SLC26A7: variants seen among roughly 807,000 people sequenced by gnomAD.
SLC26A7 encodes solute carrier family 26 member 7, also known as anion exchange transporter.
In SLC26A7, 59 loss-of-function variants were observed where a neutral mutation model predicts 82.5. That is an observed-to-expected ratio of 0.72 (90% CI 0.58 to 0.89). The LOEUF is 0.89. Among genes scored for constraint, SLC26A7 ranks in the 40% least tolerant of loss-of-function variants. The pLI is 0.00. For synonymous variants in SLC26A7, 271 were observed against 274.3 expected, an observed-to-expected ratio of 0.99 and a Z score of 0.12; for missense variants, 820 against 793.0, an observed-to-expected ratio of 1.03 and a Z score of -0.41.
intron 4 of SLC26A7, among the ~76,000 whole-genome samples, chr8:91,312,447 T>C (rs1329210034): frequency 6.6e-6 from 1 of 152,182 alleles, no homozygotes; most frequent in Non-Finnish European, 1.5e-5. Context: ...TTGCTTTCAA[T>C]GTTTATTTGC....
At position 91,362,346 on chromosome 8, in the gene SLC26A7, C is replaced by T. The variant is rs757756346; in HGVS notation, c.1315-7C>T. 1.9e-6 allele frequency: 3 copies of T among 1,595,696 alleles called. No homozygotes were observed. The highest frequency in any genetic ancestry group is 1.7e-5 in the Admixed American group (1 of 57,898). ...TTCACAACTTCTGTTTCTTGTTTCT[C>T]TTTCAGGGAATATGGGTCAGTACAT... On this transcript the variant is annotated splice_region_variant and splice_polypyrimidine_tract_variant and intron_variant, in intron 11 of 18. Transcript: ENST00000276609.
At chr8:91,218,519 A>G (rs1810098310) in intron 1 of SLC26A7, among the ~76,000 whole-genome samples, 1 of 152,184 alleles carries the variant, frequency 6.6e-6, no homozygotes, top group Non-Finnish European at 1.5e-5. Flanking sequence ...ATACCCATTA[A>G]GAAGTTCAGT....
At chr8:91,238,491 C>T (rs1345561514) in intron 2 of SLC26A7, among the ~76,000 whole-genome samples, 2 of 150,842 alleles carry the variant, frequency 1.3e-5, no homozygotes, top group South Asian at 2.1e-4. Flanking sequence ...CTTTTTTGTG[C>T]ATTATCTACA....
intron 2 of SLC26A7, among the ~76,000 whole-genome samples, chr8:91,265,175 G>A (rs189356837): frequency 2.0e-5 from 3 of 152,080 alleles, no homozygotes; most frequent in Admixed American, 2.0e-4. Flanking sequence ...TTTACTTAAC[G>A]TAATGTCCTC....
intron 2 of SLC26A7, among the ~76,000 whole-genome samples, chr8:91,264,675 C>CT (rs1811061384): frequency 2.6e-5 from 4 of 152,008 alleles, no homozygotes; most frequent in Admixed American, 1.3e-4. Flanking sequence ...CAAATTGCTT[C>CT]TTTAAGAGTG....
At chr8:91,323,234 A>G (rs1388689126) in intron 5 of SLC26A7, among the ~76,000 whole-genome samples, 1 of 152,196 alleles carries the variant, frequency 6.6e-6, no homozygotes, top group East Asian at 1.9e-4. Flanking sequence ...GAGAAAAAGA[A>G]TGTTCATCTG....
rs1472101826 is a variant in SLC26A7 at position 91,249,364 on chromosome 8, A to AAAAATATTAC, written c.-161_-152dup. The AAAAATATTAC allele has an allele frequency of 1.8e-5, 4 of 227,200 alleles. No homozygotes were observed. Among genetic ancestry groups the AAAAATATTAC allele is most frequent in the Admixed American group, 1.1e-4 (2 of 17,490 alleles). 14.1% of individuals were successfully genotyped at this position (227,200 alleles called of 1,614,324 possible). ...ACCCATTACTTTTCCAAGACCAGAA[A>AAAAATATTAC]AAAATATTACATGAACAGGAACTAC... On this transcript the variant is annotated 5_prime_UTR_variant, in exon 1 of 19. The change creates a new upstream start codon in the 5' untranslated region. Transcript: ENST00000276609.
At chr8:91,388,473 T>G (rs1258392137) in intron 15 of SLC26A7, among the ~76,000 whole-genome samples, 1 of 152,186 alleles carries the variant, frequency 6.6e-6, no homozygotes, top group Non-Finnish European at 1.5e-5. Flanking sequence ...CAGAAAAACC[T>G]TGAACATTTT....
rs534975350 is a variant in SLC26A7 at position 91,358,520 on chromosome 8, C to T, written c.1315-3833C>T. ...AATTTTTTTGTATTTTTAGTAGAGACGGGGTTTCTCCATGTTAGTCAGGAT... is the reference window on the plus strand; with the variant it reads ...AATTTTTTTGTATTTTTAGTAGAGATGGGGTTTCTCCATGTTAGTCAGGAT... On this transcript the variant is annotated intron_variant, in intron 11 of 18. Transcript: ENST00000276609. Among the ~76,000 whole-genome samples the T allele has an allele frequency of 1.5e-3, 224 of 151,740 alleles. 1 individual carries two copies. Among genetic ancestry groups the T allele is most frequent in the African/African-American group, 5.0e-3 (205 of 41,390 alleles).
intron 1 of SLC26A7, among the ~76,000 whole-genome samples, chr8:91,212,969 G>T (rs1026602812): frequency 6.6e-6 from 1 of 152,114 alleles, no homozygotes; most frequent in East Asian, 1.9e-4. Flanking sequence ...CCCTTTCGGA[G>T]AACTCTCCCT....
intron 11 of SLC26A7, 120 bp downstream of exon 11, chr8:91,353,116 A>G (rs989445187): frequency 3.6e-5 from 20 of 548,120 alleles, no homozygotes; most frequent in Non-Finnish European, 5.7e-5. Flanking sequence ...TACACTTTAC[A>G]AACTACCATT....
intron 2 of SLC26A7, among the ~76,000 whole-genome samples, chr8:91,227,253 A>T (rs1810250674): frequency 6.6e-6 from 1 of 152,184 alleles, no homozygotes; most frequent in Admixed American, 6.5e-5. Flanking sequence ...CTTGTGAATT[A>T]TCTAGCTTCA....
intron 2 of SLC26A7, among the ~76,000 whole-genome samples, chr8:91,235,979 T>G (rs983385999): frequency 6.6e-6 from 1 of 152,196 alleles, no homozygotes; most frequent in African/African-American, 2.4e-5. Context: ...TATTCATTAC[T>G]TTCTGAAAAT....
chr8:91,320,125 T>G (rs955032759), intron 5 of SLC26A7, among the ~76,000 whole-genome samples: 5 of 152,076 alleles, frequency 3.3e-5, no homozygotes, highest in Admixed American at 3.3e-4. Flanking sequence ...TACAGTGGCA[T>G]GATCTTGGCT....
At chr8:91,368,803 C>G (rs529622864) in intron 14 of SLC26A7, among the ~76,000 whole-genome samples, 1 of 152,276 alleles carries the variant, frequency 6.6e-6, no homozygotes, top group South Asian at 2.1e-4. Context: ...TTTAATCAGG[C>G]TAACTTAATC....
At chr8:91,246,614 C>T (rs766752836), upstream of SLC26A7, among the ~76,000 whole-genome samples, 12 of 151,876 alleles carry the variant, frequency 7.9e-5, 1 homozygote, top group Admixed American at 5.9e-4. Context: ...GCAGGAGAAT[C>T]GCTTGAACCT....
At chr8:91,244,323 CT>C (rs1175423118), upstream of SLC26A7, among the ~76,000 whole-genome samples, 2 of 151,908 alleles carry the variant, frequency 1.3e-5, no homozygotes, top group African/African-American at 4.8e-5. Context: ...CCTTTCTCCT[CT>C]TCCTTTTCTT....
intron 2 of SLC26A7, among the ~76,000 whole-genome samples, chr8:91,239,152 C>T (rs2130683112): frequency 6.6e-6 from 1 of 151,964 alleles, no homozygotes; most frequent in Middle Eastern, 3.4e-3. Context: ...GGGCGGATCA[C>T]GAGGTCTGGA....
chr8:91,298,165 C>A (rs1317328205), intron 4 of SLC26A7, among the ~76,000 whole-genome samples: 3 of 152,078 alleles, frequency 2.0e-5, no homozygotes, highest in African/African-American at 7.2e-5. Flanking sequence ...AATAAGGGCT[C>A]CATGACTTAT....
Sources: gnomAD v4.1 joint callset for allele counts (sites outside exome capture counted in the v4.1 genomes callset) on GRCh38, gnomAD v4.1.1 for gene constraint, MANE v1.5 for transcripts, NCBI Gene and HGNC (gene_info 2026-07-23, HGNC 2026-07-21) for gene names.